Variants in NIBAN2 observed in about 807,000 individuals in gnomAD.
NIBAN2 encodes protein Niban 2.
NIBAN2 carries 36 observed loss-of-function variants against 81.8 expected under a neutral mutation model. The ratio of observed to expected loss-of-function variants is 0.44; its 90% CI spans 0.34 to 0.58. The LOEUF (loss-of-function observed/expected upper bound fraction) is 0.58. NIBAN2 is among the 20% of genes least tolerant of loss of function. NIBAN2 has a pLI of 0.02. For synonymous variants in NIBAN2, 445 were observed against 441.6 expected (o/e 1.01, Z -0.10); for missense variants, 897 against 1,014.1 (o/e 0.88, Z 1.57).
At chr9:127,518,664 GT>G (rs1836878828) in intron 5 of NIBAN2, among the ~76,000 whole-genome samples, 1 of 152,210 alleles carries the variant, frequency 6.6e-6, no homozygotes, top group African/African-American at 2.4e-5. Context: ...GAAATGGCCT[GT>G]TTCCTCTTCT....
At chr9:127,565,782 C>CA (rs34713108) in intron 1 of NIBAN2, among the ~76,000 whole-genome samples, 14,114 of 70,692 alleles carry the variant, frequency 0.2, 1,593 homozygotes, top group East Asian at 0.27. Flanking sequence ...GACTCTGTCT[C>CA]AAAAAAAAAA....
At chr9:127,529,156 G>A (rs980311703) in intron 2 of NIBAN2, among the ~76,000 whole-genome samples, 8 of 152,192 alleles carry the variant, frequency 5.3e-5, no homozygotes, top group Non-Finnish European at 7.3e-5. Context: ...CCAATGCCTC[G>A]GTCAGAGACA....
upstream of NIBAN2, among the ~76,000 whole-genome samples, chr9:127,572,892 A>T (rs7851388): frequency 0.78 from 118,589 of 151,810 alleles, 46,820 homozygotes; most frequent in African/African-American, 0.89. Flanking sequence ...ATAATTTTTT[A>T]AAAAAATTAG....
At chr9:127,578,744 C>T (rs913055243) in intron 1 of NIBAN2, among the ~76,000 whole-genome samples, 10 of 151,736 alleles carry the variant, frequency 6.6e-5, no homozygotes, top group South Asian at 4.2e-4. Flanking sequence ...AAGCCTATGA[C>T]GCTTTGGGAG....
chr9:127,524,635 C>A (rs1403266990), intron 4 of NIBAN2, among the ~76,000 whole-genome samples: 2 of 152,222 alleles, frequency 1.3e-5, no homozygotes, highest in Non-Finnish European at 2.9e-5. Flanking sequence ...CCCTCCATCA[C>A]CACAGAATGA....
intron 9 of NIBAN2, among the ~76,000 whole-genome samples, chr9:127,509,434 C>G (rs1836685636): frequency 6.6e-6 from 1 of 152,150 alleles, no homozygotes; most frequent in African/African-American, 2.4e-5. Flanking sequence ...GTCATTCACC[C>G]TCTCTGAGCC....
intron 9 of NIBAN2, among the ~76,000 whole-genome samples, chr9:127,509,602 C>A (rs1307574034): frequency 6.6e-6 from 1 of 152,108 alleles, no homozygotes; most frequent in South Asian, 2.1e-4. Flanking sequence ...GACAACTATG[C>A]GGGCTCCGGG....
chr9:127,539,081 G>A (rs1837331865), intron 1 of NIBAN2, among the ~76,000 whole-genome samples: 1 of 152,054 alleles, frequency 6.6e-6, no homozygotes, highest in South Asian at 2.1e-4. Flanking sequence ...CGAGCTGACT[G>A]ATCTTTTGGG....
At chr9:127,519,187 A>C (rs1277833309) in intron 5 of NIBAN2, among the ~76,000 whole-genome samples, 1 of 151,208 alleles carries the variant, frequency 6.6e-6, no homozygotes, top group African/African-American at 2.4e-5. Flanking sequence ...AAAAAAAAAA[A>C]AAAAAAAAAA....
intron 1 of NIBAN2, among the ~76,000 whole-genome samples, chr9:127,555,349 T>C (rs1837648207): frequency 6.6e-6 from 1 of 152,144 alleles, no homozygotes; most frequent in African/African-American, 2.4e-5. Context: ...CTTTAGAAGA[T>C]CCCAATACTT....
rs7847053 is a variant in NIBAN2, at chr9:127,513,997, A to G, written c.973+2860T>C. 2.2e-3 allele frequency among the ~76,000 whole-genome samples: 334 copies of G among 152,342 alleles called. 3 individuals are homozygous for G. In the East Asian group the frequency reaches 0.042, roughly 19 times the overall value. On this transcript the variant is annotated intron_variant, in intron 8 of 13. Transcript: ENST00000373312. Reference sequence around the variant, plus strand: ...TAACTAAAAGAGGCTGCACAGGTGCAGTGGCTCAGGCCTGTAATCCCAGCA... The same window carrying G: ...TAACTAAAAGAGGCTGCACAGGTGCGGTGGCTCAGGCCTGTAATCCCAGCA...
chr9:127,509,082 C>G lies in NIBAN2; in HGVS notation c.1211G>C (p.Ser404Thr), dbSNP rs1022973680. Reference sequence around the variant, plus strand: ...CAGCGACTCCATCTTCTCATAGCAGCTCTGCATCTTCAGGGGGTGGTACGC... The same window carrying G: ...CAGCGACTCCATCTTCTCATAGCAGGTCTGCATCTTCAGGGGGTGGTACGC... ...RLAYHPLKMQSCYEKMESLRL... is the reference protein window; with the variant it reads ...RLAYHPLKMQTCYEKMESLRL... The change falls in exon 10 of 14, where the codon AGC (serine) becomes ACC (threonine). Residue 404 changes from serine to threonine, a missense_variant. Around this residue, in one of 3 missense-constraint regions of NIBAN2, gnomAD observed 619 missense variants for 691.0 expected, o/e 0.90. Coordinates refer to ENST00000373312, the MANE Select transcript of NIBAN2 (RefSeq NM_022833.4). 3 of 1,613,404 alleles carry G rather than the reference C, an allele frequency of 1.9e-6. No individual in the cohort carries two copies. Among genetic ancestry groups the G allele is most frequent in the Non-Finnish European group, 2.5e-6 (3 of 1,179,930 alleles).
At position 127,506,610 on chromosome 9, in the gene NIBAN2, C is replaced by T; in HGVS notation, c.*235G>A. 4.7e-6 allele frequency: 2 copies of T among 426,698 alleles called. No individual in the cohort carries two copies. The highest frequency in any genetic ancestry group is 7.8e-5 in the Admixed American group (2 of 25,540). 26.4% of individuals were successfully genotyped at this position (426,698 alleles called of 1,614,324 possible). ...AGCCCTTGGCACAAGCAGGAAAACCCCAAAACCAGCCCCTGCATCTGAGAT... is the reference window on the plus strand; with the variant it reads ...AGCCCTTGGCACAAGCAGGAAAACCTCAAAACCAGCCCCTGCATCTGAGAT... On this transcript the variant is annotated 3_prime_UTR_variant, in exon 14 of 14. Coordinates refer to ENST00000373312, the MANE Select transcript of NIBAN2 (RefSeq NM_022833.4).
At chr9:127,538,751 C>T (rs971659932) in intron 1 of NIBAN2, among the ~76,000 whole-genome samples, 1 of 151,358 alleles carries the variant, frequency 6.6e-6, no homozygotes, top group African/African-American at 2.4e-5. Flanking sequence ...TTGAGACCAG[C>T]CTGGCCAACA....
At position 127,512,109 on chromosome 9, in the gene NIBAN2, T is replaced by G. The variant is rs116594528; in HGVS notation, c.974-1776A>C. 8.4e-3 allele frequency among the ~76,000 whole-genome samples: 1,273 copies of G among 152,246 alleles called. 19 individuals carry two copies. The highest frequency in any genetic ancestry group is 0.03 in the African/African-American group (1,232 of 41,534). On this transcript the variant is annotated intron_variant, in intron 8 of 13. Coordinates refer to ENST00000373312, the MANE Select transcript of NIBAN2 (RefSeq NM_022833.4). ...GTTCTATTCAAAGTCACCCCTCCGC[T>G]CACTGAGATTAATGCATATCTGCTT... is the stretch of plus-strand genomic sequence containing the variant.
In NIBAN2 at chr9:127,508,232, G is replaced by A; in HGVS notation, c.1435-32C>T. On this transcript the variant is annotated intron_variant, in intron 11 of 13. Transcript: ENST00000373312. This position sits in a 1 kb window ranked among gnomAD's most constrained non-coding sequence, Gnocchi z 6.4. ...GGAACAAGGGGGTCGGGGGTCTGCA[G>A]GTCAGTGGGCTCCATTGGCCCTGAG... 1.3e-6 allele frequency: 2 copies of A among 1,567,852 alleles called. No individual in the cohort carries two copies. Among genetic ancestry groups the A allele is most frequent in the Non-Finnish European group, 1.8e-6 (2 of 1,140,558 alleles).
chr9:127,571,861 T>C (rs948424815), upstream of NIBAN2, among the ~76,000 whole-genome samples: 13 of 152,110 alleles, frequency 8.5e-5, no homozygotes, highest in Non-Finnish European at 1.9e-4. Flanking sequence ...AGGGATGGGA[T>C]GAAGGAGAAT....
At chr9:127,518,262 C>G (rs996312708) in intron 5 of NIBAN2, among the ~76,000 whole-genome samples, 2 of 152,168 alleles carry the variant, frequency 1.3e-5, no homozygotes, top group Admixed American at 1.3e-4. Flanking sequence ...AAGAGACAAC[C>G]GTTAGGGGAC....
At chr9:127,509,332 G>A (rs1326051848) in intron 9 of NIBAN2, among the ~76,000 whole-genome samples, 1 of 152,178 alleles carries the variant, frequency 6.6e-6, no homozygotes, top group Non-Finnish European at 1.5e-5. Context: ...GGCATGGAGG[G>A]CGCAGTCCAG....
Sources: allele counts gnomAD v4.1 joint callset (sites outside exome capture counted in the v4.1 genomes callset), GRCh38; gene constraint gnomAD v4.1.1; regional missense constraint gnomAD v4.1.1; non-coding constraint Gnocchi (gnomAD v3.1); transcripts MANE v1.5; gene names NCBI Gene and HGNC (gene_info 2026-07-23, HGNC 2026-07-21).